Variants in MAPKAP1 observed in about 807,000 individuals in gnomAD.
MAPKAP1 encodes MAPK associated protein 1, also known as target of rapamycin complex 2 subunit MAPKAP1.
A neutral mutation model predicts 65.7 loss-of-function variants in MAPKAP1; 20 were observed. The ratio of observed to expected loss-of-function variants is 0.30; its 90% CI spans 0.21 to 0.44. MAPKAP1 has a LOEUF of 0.44. Ranked by LOEUF, MAPKAP1 falls within the 20% of genes least tolerant of loss-of-function variation. The pLI, the probability that MAPKAP1 is intolerant of heterozygous loss-of-function variation, is 1.00. For missense variants in MAPKAP1, 423 were observed against 648.0 expected (o/e 0.65, Z 3.77); for synonymous variants, 222 against 244.3 (o/e 0.91, Z 0.85).
chr9:125,459,251 T>C (rs1367963989), intron 10 of MAPKAP1, among the ~76,000 whole-genome samples: 1 of 147,682 alleles, frequency 6.8e-6, no homozygotes, highest in Non-Finnish European at 1.5e-5. Context: ...ACTTCCTAGA[T>C]GTGATGGCGG....
chr9:125,552,299 G>C (rs553264232), intron 6 of MAPKAP1, among the ~76,000 whole-genome samples: 15 of 152,238 alleles, frequency 9.9e-5, no homozygotes, highest in Non-Finnish European at 1.9e-4. Context: ...GGGATTCCTG[G>C]GGCCCAGGGG....
intron 6 of MAPKAP1, among the ~76,000 whole-genome samples, chr9:125,546,601 A>G (rs1255092219): frequency 1.3e-5 from 2 of 152,130 alleles, no homozygotes; most frequent in Non-Finnish European, 2.9e-5. Flanking sequence ...CTTTATATCC[A>G]GGATTTTTTA....
At chr9:125,705,364 A>G (rs1184349796) in intron 1 of MAPKAP1, among the ~76,000 whole-genome samples, 1 of 152,182 alleles carries the variant, frequency 6.6e-6, no homozygotes, top group East Asian at 1.9e-4. Flanking sequence ...AAACCCCTAT[A>G]TAATACCCAA....
intron 3 of MAPKAP1, among the ~76,000 whole-genome samples, chr9:125,658,427 A>G (rs954180961): frequency 6.6e-6 from 1 of 152,226 alleles, no homozygotes. Context: ...AAGTCAATAT[A>G]TCTCATTTAA....
Position 125,468,157 on chromosome 9 carries a change from T to G in MAPKAP1, c.1208-48A>C, listed in dbSNP as rs537640379. The G allele has an allele frequency of 4.4e-6, 7 of 1,585,098 alleles. No homozygotes were observed. The East Asian group carries it at 1.6e-4, about 36-fold the overall frequency. ...AAAAGAAAACACAAGAAGTAGAAGG[T>G]GTAAGTGATTTCAGGGAAATCATTT... is the stretch of plus-strand genomic sequence containing the variant. On this transcript the variant is annotated intron_variant, in intron 9 of 11. Transcript: ENST00000265960.
At chr9:125,521,735 C>T (rs765572001) in intron 7 of MAPKAP1, 2 of 1,612,606 alleles carry the variant, frequency 1.2e-6, no homozygotes, top group Admixed American at 3.3e-5. Flanking sequence ...CCTTGACAGC[C>T]AGTGAAATTA....
rs1284940519 is a variant in MAPKAP1 at position 125,706,988 on chromosome 9, C to T, written c.-87G>A. 2.5e-6 allele frequency: 1 copy of T among 395,984 alleles called. No homozygotes were observed. The highest frequency in any genetic ancestry group is 4.4e-6 in the Non-Finnish European group (1 of 224,838). The allele number at this position is 395,984 out of a possible 1,614,324, so 24.5% of individuals were successfully genotyped here. ...ACCTTTACCTGAAGCTGCTTCCACA[C>T]TACGGGCCGGGTCGGCCCCGGGACA... On this transcript the variant is annotated 5_prime_UTR_variant, in exon 1 of 12. It adds an upstream start codon to the 5' untranslated region. Transcript: ENST00000265960.
chr9:125,662,450 G>A (rs1188651432), intron 3 of MAPKAP1, among the ~76,000 whole-genome samples: 2 of 152,196 alleles, frequency 1.3e-5, no homozygotes, highest in Non-Finnish European at 2.9e-5. Context: ...TTGGGAGGCC[G>A]AGGTGGGTGG....
chr9:125,670,392 T>G (rs1416255374), intron 2 of MAPKAP1, among the ~76,000 whole-genome samples: 1 of 152,172 alleles, frequency 6.6e-6, no homozygotes, highest in Non-Finnish European at 1.5e-5. Flanking sequence ...TCATGAAAAT[T>G]ATAAAATGTC....
intron 4 of MAPKAP1, among the ~76,000 whole-genome samples, chr9:125,593,575 T>C (rs1228350993): frequency 3.9e-5 from 6 of 152,044 alleles, no homozygotes; most frequent in African/African-American, 1.2e-4. Flanking sequence ...GGCAGGAGAA[T>C]TGCTTGAACC....
chr9:125,702,719 A>G (rs970218737), intron 1 of MAPKAP1, among the ~76,000 whole-genome samples: 6 of 146,000 alleles, frequency 4.1e-5, no homozygotes, highest in African/African-American at 1.5e-4. Context: ...GGGCGTGGTG[A>G]TGGGCACCTG....
At chr9:125,531,107 C>A (rs1564544915) in intron 7 of MAPKAP1, among the ~76,000 whole-genome samples, 2 of 152,206 alleles carry the variant, frequency 1.3e-5, no homozygotes, top group African/African-American at 4.8e-5. Flanking sequence ...AAAGCCCATG[C>A]TGTTTCCACT....
chr9:125,490,337 C>T (rs933859656), intron 8 of MAPKAP1, among the ~76,000 whole-genome samples: 3 of 151,776 alleles, frequency 2.0e-5, no homozygotes, highest in Non-Finnish European at 2.9e-5. Flanking sequence ...GTCAAGAGTT[C>T]GAGACCAGCC....
rs1347698731 is a variant in MAPKAP1 at position 125,560,471 on chromosome 9, C to CTT, written c.672-663_672-662insAA. Among the ~76,000 whole-genome samples the CTT allele has an allele frequency of 4.9e-3, 753 of 152,228 alleles. 5 individuals are homozygous for CTT. The highest frequency in any genetic ancestry group is 0.017 in the African/African-American group (711 of 41,520). ...TGGTGGTATGCGCCTGTAGTTCCAG[C>CTT]TACTCAGGAGGCTGAGGTGAGAGGA... On this transcript the variant is annotated intron_variant, in intron 5 of 11. Transcript: ENST00000265960.
At chr9:125,521,753 T>G (rs1183590662) in intron 7 of MAPKAP1, 1 of 1,612,722 alleles carries the variant, frequency 6.2e-7, no homozygotes, top group Non-Finnish European at 8.5e-7. Context: ...TTAGTGAATT[T>G]AGTCACAAGC....
intron 9 of MAPKAP1, among the ~76,000 whole-genome samples, chr9:125,484,227 C>A (rs1489199822): frequency 1.3e-5 from 2 of 152,152 alleles, no homozygotes; most frequent in African/African-American, 4.8e-5. Context: ...CAAGTTAGTT[C>A]TATTTCTAAT....
At chr9:125,605,131 T>A (rs1832404458) in intron 4 of MAPKAP1, among the ~76,000 whole-genome samples, 1 of 152,236 alleles carries the variant, frequency 6.6e-6, no homozygotes, top group Admixed American at 6.5e-5. Context: ...ATATAGTTCC[T>A]CATCATTAAG....
chr9:125,549,579 G>A (rs1047182424), intron 6 of MAPKAP1, among the ~76,000 whole-genome samples: 1 of 152,144 alleles, frequency 6.6e-6, no homozygotes, highest in Admixed American at 6.5e-5. Context: ...ATTGGACAAA[G>A]TACTCTTTTT....
At chr9:125,575,207 T>G (rs1831356911) in intron 5 of MAPKAP1, among the ~76,000 whole-genome samples, 1 of 152,118 alleles carries the variant, frequency 6.6e-6, no homozygotes, top group Admixed American at 6.5e-5. Flanking sequence ...CAAAAAATTT[T>G]AAAAATTAGC....
Sources: gnomAD v4.1 joint callset for allele counts (sites outside exome capture counted in the v4.1 genomes callset) on GRCh38, gnomAD v4.1.1 for gene constraint, MANE v1.5 for transcripts, NCBI Gene and HGNC (gene_info 2026-07-23, HGNC 2026-07-21) for gene names.